WWOX: variants seen among roughly 807,000 people sequenced by gnomAD.
The protein encoded by WWOX is WW domain containing oxidoreductase, also known as WW domain-containing oxidoreductase.
A neutral mutation model predicts 46.2 loss-of-function variants in WWOX; 69 were observed. The ratio of observed to expected loss-of-function variants is 1.49; its 90% CI spans 1.23 to 1.82. The LOEUF (loss-of-function observed/expected upper bound fraction) is 1.82. Ranked by LOEUF, WWOX falls within the 40% of genes most tolerant of loss-of-function variation. WWOX has a pLI of 0.00. For missense variants in WWOX, 919 were observed against 542.6 expected (o/e 1.69, Z -6.89); for synonymous variants, 359 against 202.6 (o/e 1.77, Z -6.56).
chr16:79,174,507 G>C (rs1301856093), intron 8 of WWOX, among the ~76,000 whole-genome samples: 3 of 152,162 alleles, frequency 2.0e-5, no homozygotes. Context: ...AAATTAGCCA[G>C]GCGTGGTGGC....
chr16:78,228,339 C>CTT lies in WWOX; in HGVS notation c.516+64070_516+64071dup, dbSNP rs34322106. On this transcript the variant is annotated intron_variant, in intron 5 of 8. Transcript: ENST00000566780. ...TGAGTCAATAGGAATCATATTCTCT[C>CTT]TTTTTTTTTTTTTTTTTTTTTGGAG... Among the ~76,000 whole-genome samples the CTT allele has an allele frequency of 4.6e-3, 515 of 111,290 alleles. 5 individuals carry two copies. The highest frequency in any genetic ancestry group is 7.3e-3 in the Non-Finnish European group (399 of 54,680). 73.0% of individuals were successfully genotyped at this position (111,290 alleles called of 152,430 possible).
At chr16:78,282,793 G>C (rs2079701982) in intron 5 of WWOX, among the ~76,000 whole-genome samples, 1 of 149,354 alleles carries the variant, frequency 6.7e-6, no homozygotes, top group African/African-American at 2.5e-5. Context: ...CAGGAGAATC[G>C]CTTGAACCTC....
intron 8 of WWOX, among the ~76,000 whole-genome samples, chr16:78,469,023 CAGAT>C (rs912738814): frequency 2.1e-4 from 32 of 152,178 alleles, no homozygotes; most frequent in African/African-American, 6.3e-4. Flanking sequence ...TCTCAAAAGA[CAGAT>C]GGATGGATAG....
At chr16:78,455,578 G>A (rs559196642) in intron 8 of WWOX, among the ~76,000 whole-genome samples, 1 of 143,988 alleles carries the variant, frequency 6.9e-6, no homozygotes, top group Non-Finnish European at 1.5e-5. Flanking sequence ...GGGAGTAGGA[G>A]GCTGCAGTAA....
intron 5 of WWOX, among the ~76,000 whole-genome samples, chr16:78,326,393 G>T (rs11150059): frequency 0.63 from 95,702 of 151,952 alleles, 31,380 homozygotes; most frequent in East Asian, 0.98. Context: ...ATCATACTTA[G>T]GAAAATGCCA....
At chr16:78,363,987 G>A (rs892070324) in intron 5 of WWOX, among the ~76,000 whole-genome samples, 8 of 152,172 alleles carry the variant, frequency 5.3e-5, no homozygotes, top group African/African-American at 1.9e-4. Context: ...GTGGGCAAGA[G>A]GAATTCTTCA....
At chr16:78,595,090 A>C (rs1039072878) in intron 8 of WWOX, among the ~76,000 whole-genome samples, 1 of 152,172 alleles carries the variant, frequency 6.6e-6, no homozygotes. Context: ...CATGCGCATG[A>C]GGCTGTGTTA....
At chr16:78,511,952 T>C (rs1171201029) in intron 8 of WWOX, among the ~76,000 whole-genome samples, 1 of 152,220 alleles carries the variant, frequency 6.6e-6, no homozygotes, top group Non-Finnish European at 1.5e-5. Context: ...CTGCGTTGAA[T>C]GGGTAAGATA....
chr16:79,197,479 G>C (rs1349336976), intron 8 of WWOX, among the ~76,000 whole-genome samples: 1 of 151,788 alleles, frequency 6.6e-6, no homozygotes, highest in African/African-American at 2.4e-5. Context: ...CCCCCCTCCA[G>C]TGAGCGAGTT....
intron 5 of WWOX, among the ~76,000 whole-genome samples, chr16:78,197,997 A>G (rs2036109726): frequency 6.6e-6 from 1 of 151,122 alleles, no homozygotes; most frequent in Non-Finnish European, 1.5e-5. Flanking sequence ...GCAAATTTGT[A>G]GTTATGGTGG....
At chr16:79,082,205 G>C (rs1057491220) in intron 8 of WWOX, among the ~76,000 whole-genome samples, 3 of 152,168 alleles carry the variant, frequency 2.0e-5, no homozygotes, top group African/African-American at 7.2e-5. Flanking sequence ...ACAAGATTCA[G>C]CAAAATTAAA....
chr16:78,947,143 T>C (rs1256921429), intron 8 of WWOX, among the ~76,000 whole-genome samples: 1 of 151,100 alleles, frequency 6.6e-6, no homozygotes, highest in Non-Finnish European at 1.5e-5. Context: ...ACATTAGTCT[T>C]CCATTAAAAA....
Position 78,679,441 on chromosome 16 carries a change from C to A in WWOX, c.1056+246689C>A, listed in dbSNP as rs557509906. On this transcript the variant is annotated intron_variant, in intron 8 of 8. Transcript: ENST00000566780. ...TGGTGTGGGCCTGTAATCCCAGCTA[C>A]TTGTGAGGCTGAGGCAGGAGAGTCA... Among the ~76,000 whole-genome samples, 204 of 152,252 alleles carry A rather than the reference C, an allele frequency of 1.3e-3. 1 individual carries two copies. The highest frequency in any genetic ancestry group is 4.7e-3 in the African/African-American group (196 of 41,554).
At chr16:78,700,312 CAG>C (rs55638553) in intron 8 of WWOX, among the ~76,000 whole-genome samples, 12,564 of 130,078 alleles carry the variant, frequency 0.097, 653 homozygotes, top group Non-Finnish European at 0.13. Context: ...ACTTAGTAGA[CAG>C]AGAGAGAGAG....
intron 8 of WWOX, among the ~76,000 whole-genome samples, chr16:78,504,190 A>C (rs1169195370): frequency 1.3e-5 from 2 of 152,248 alleles, no homozygotes; most frequent in Non-Finnish European, 2.9e-5. Context: ...GGTGTATAGA[A>C]ATGCATCTGT....
At chr16:78,113,751 A>G (rs114699709) in intron 3 of WWOX, among the ~76,000 whole-genome samples, 3,906 of 152,296 alleles carry the variant, frequency 0.026, 198 homozygotes, top group African/African-American at 0.09. Context: ...CTTGTAAGCC[A>G]GTTTGAGCCA....
At chr16:78,568,108 C>T (rs912000084) in intron 8 of WWOX, among the ~76,000 whole-genome samples, 3 of 152,128 alleles carry the variant, frequency 2.0e-5, no homozygotes, top group Non-Finnish European at 2.9e-5. Context: ...AAAATCCGTG[C>T]GGAATTTGAA....
chr16:78,520,405 T>C (rs1044210345), intron 8 of WWOX, among the ~76,000 whole-genome samples: 1 of 152,212 alleles, frequency 6.6e-6, no homozygotes, highest in Non-Finnish European at 1.5e-5. Context: ...ACTTCTGATT[T>C]CGTTTTCGAG....
At chr16:78,822,680 T>A (rs1447719251) in intron 8 of WWOX, among the ~76,000 whole-genome samples, 1 of 152,168 alleles carries the variant, frequency 6.6e-6, no homozygotes, top group Non-Finnish European at 1.5e-5. Flanking sequence ...GAGAGTTACA[T>A]TGCTGGGTGA....
Sources: allele counts gnomAD v4.1 joint callset (sites outside exome capture counted in the v4.1 genomes callset), GRCh38; gene constraint gnomAD v4.1.1; transcripts MANE v1.5; gene names NCBI Gene and HGNC (gene_info 2026-07-23, HGNC 2026-07-21).